MAGI2: variants seen among roughly 807,000 people sequenced by gnomAD.
MAGI2 encodes membrane-associated guanylate kinase, WW and PDZ domain-containing protein 2.
MAGI2 carries 35 observed loss-of-function variants against 133.3 expected under a neutral mutation model. The observed-to-expected ratio is 0.26, with a 90% CI of 0.20 to 0.35. The LOEUF (loss-of-function observed/expected upper bound fraction) is 0.35, where lower values mean the gene tolerates loss of function less well. Ranked by LOEUF, MAGI2 falls within the 10% of genes least tolerant of loss-of-function variation. The probability of loss-of-function intolerance (pLI) is 1.00; values close to 1 mark genes in which losing one functional copy is unlikely to be tolerated. For synonymous variants in MAGI2, 729 were observed against 710.6 expected, an observed-to-expected ratio of 1.03 and a Z score of -0.41; for missense variants, 1,636 against 1,863.4, an observed-to-expected ratio of 0.88 and a Z score of 2.25.
At chr7:78,420,957 G>A (rs1798738894) in intron 6 of MAGI2, among the ~76,000 whole-genome samples, 1 of 152,130 alleles carries the variant, frequency 6.6e-6, no homozygotes. Flanking sequence ...CAGAGGTAAC[G>A]GATCAAAAGG....
chr7:79,227,561 T>A (rs958137424), intron 1 of MAGI2, among the ~76,000 whole-genome samples: 1 of 152,206 alleles, frequency 6.6e-6, no homozygotes, highest in Non-Finnish European at 1.5e-5. Context: ...CACTCCTTTT[T>A]TCAGCACATA....
chr7:78,756,058 T>C (rs1823912748), intron 2 of MAGI2, among the ~76,000 whole-genome samples: 1 of 152,158 alleles, frequency 6.6e-6, no homozygotes, highest in South Asian at 2.1e-4. Flanking sequence ...ATAGGAAGAA[T>C]GTAACTTCGA....
At chr7:78,929,622 T>C (rs1799961466) in intron 2 of MAGI2, among the ~76,000 whole-genome samples, 1 of 152,064 alleles carries the variant, frequency 6.6e-6, no homozygotes, top group Non-Finnish European at 1.5e-5. Context: ...ATCACTACAA[T>C]GTCTGCTTCC....
chr7:78,832,283 A>T (rs1036195812), intron 2 of MAGI2, among the ~76,000 whole-genome samples: 14 of 151,410 alleles, frequency 9.2e-5, no homozygotes, highest in Non-Finnish European at 1.9e-4. Context: ...AATAATACTA[A>T]TTTTTTTTTC....
intron 9 of MAGI2, among the ~76,000 whole-genome samples, chr7:78,298,715 G>A (rs990597866): frequency 6.6e-6 from 1 of 151,842 alleles, no homozygotes; most frequent in African/African-American, 2.4e-5. Context: ...TGTTGCCCAG[G>A]CTGGGTCTCC....
At chr7:79,413,507 G>A (rs1384739493) in intron 1 of MAGI2, 1 of 152,280 alleles carries the variant, frequency 6.6e-6, no homozygotes, top group East Asian at 1.9e-4. Flanking sequence ...AGTTCTGCTA[G>A]TGGCACAAAC....
chr7:79,081,391 A>G (rs756171411), intron 1 of MAGI2, among the ~76,000 whole-genome samples: 1 of 152,180 alleles, frequency 6.6e-6, no homozygotes, highest in Non-Finnish European at 1.5e-5. Context: ...TAAATACTCA[A>G]TTATTGTCTA....
In MAGI2 at chr7:78,963,638, C is replaced by T. The variant is rs953706042; in HGVS notation, c.418+43452G>A. ...ATGTGAAGTAACAAAACTGAAACTC[C>T]ATACTTGAGCAGAAATTGCTCAAAC... On this transcript the variant is annotated intron_variant, in intron 2 of 21. Coordinates refer to ENST00000354212, the MANE Select transcript of MAGI2 (RefSeq NM_012301.4). Among the ~76,000 whole-genome samples the T allele has an allele frequency of 5.3e-5, 8 of 152,014 alleles. No homozygotes were observed. In the South Asian group the frequency reaches 1.2e-3, roughly 24 times the overall value.
intron 3 of MAGI2, among the ~76,000 whole-genome samples, chr7:78,577,699 T>C (rs993071172): frequency 6.6e-6 from 1 of 151,964 alleles, no homozygotes; most frequent in Non-Finnish European, 1.5e-5. Context: ...GGGGAGCTTT[T>C]GAGCCAGGAT....
chr7:78,270,151 C>G (rs1438623174), intron 9 of MAGI2, among the ~76,000 whole-genome samples: 1 of 152,070 alleles, frequency 6.6e-6, no homozygotes, highest in Non-Finnish European at 1.5e-5. Flanking sequence ...CAGTACCATG[C>G]TGTTTGTGTT....
chr7:78,928,907 T>C (rs1455645624), intron 2 of MAGI2, among the ~76,000 whole-genome samples: 3 of 152,178 alleles, frequency 2.0e-5, no homozygotes, highest in African/African-American at 4.8e-5. Context: ...GAGGTCATGG[T>C]TACCAGATGG....
At chr7:79,302,782 G>T (rs1303888098) in intron 1 of MAGI2, among the ~76,000 whole-genome samples, 2 of 152,186 alleles carry the variant, frequency 1.3e-5, no homozygotes, top group Non-Finnish European at 2.9e-5. Flanking sequence ...AATGGAAGCA[G>T]CATGAGCTTA....
At chr7:78,783,002 T>G (rs1279826977) in intron 2 of MAGI2, among the ~76,000 whole-genome samples, 1 of 149,642 alleles carries the variant, frequency 6.7e-6, no homozygotes, top group Non-Finnish European at 1.5e-5. Context: ...TACTTGAAAA[T>G]GATTCTTACC....
chr7:79,270,110 C>G (rs1834772621), intron 1 of MAGI2, among the ~76,000 whole-genome samples: 1 of 152,124 alleles, frequency 6.6e-6, no homozygotes. Flanking sequence ...GCGGCCCCAC[C>G]CAGAGAAGGA....
chr7:79,425,220 C>T (rs1453875156), intron 1 of MAGI2, among the ~76,000 whole-genome samples: 2 of 150,972 alleles, frequency 1.3e-5, no homozygotes, highest in Non-Finnish European at 2.9e-5. Flanking sequence ...CCAATGCACT[C>T]CAGCCTGGGC....
intron 3 of MAGI2, among the ~76,000 whole-genome samples, chr7:78,601,950 T>A (rs558550970): frequency 6.6e-6 from 1 of 152,298 alleles, no homozygotes; most frequent in South Asian, 2.1e-4. Context: ...AGAGTCCTAC[T>A]TAGCTGAGTC....
intron 1 of MAGI2, among the ~76,000 whole-genome samples, chr7:79,164,383 C>T (rs1824718347): frequency 6.6e-6 from 1 of 152,018 alleles, no homozygotes; most frequent in Non-Finnish European, 1.5e-5. Flanking sequence ...TGAGGTGGCC[C>T]TGCAAAGCTG....
At chr7:78,892,210 C>T (rs1021214342) in intron 2 of MAGI2, among the ~76,000 whole-genome samples, 1 of 152,150 alleles carries the variant, frequency 6.6e-6, no homozygotes, top group African/African-American at 2.4e-5. Context: ...CTACAAACCA[C>T]TGCTCAACGA....
intron 6 of MAGI2, among the ~76,000 whole-genome samples, chr7:78,452,270 T>G (rs4319010): frequency 2.6e-5 from 4 of 151,720 alleles, no homozygotes; most frequent in African/African-American, 9.7e-5. Flanking sequence ...CCAGTTTTAT[T>G]TGACCCCAAA....
Sources: allele counts gnomAD v4.1 joint callset (sites outside exome capture counted in the v4.1 genomes callset), GRCh38; gene constraint gnomAD v4.1.1; transcripts MANE v1.5; gene names NCBI Gene and HGNC (gene_info 2026-07-23, HGNC 2026-07-21).